BABAM2: variants seen among roughly 807,000 people sequenced by gnomAD.
BABAM2 encodes the protein BRISC and BRCA1 A complex member 2.
A neutral mutation model predicts 54.7 loss-of-function variants in BABAM2; 31 were observed. The observed-to-expected ratio is 0.57, with a 90% CI of 0.43 to 0.77. The LOEUF is 0.77. BABAM2 is among the 30% of genes least tolerant of loss of function. The pLI is 0.00. For synonymous variants in BABAM2, 167 were observed against 162.9 expected (o/e 1.03, Z -0.19); for missense variants, 364 against 455.8 (o/e 0.80, Z 1.83).
At chr2:28,022,474 A>C (rs1367310267) in intron 4 of BABAM2, among the ~76,000 whole-genome samples, 1 of 152,190 alleles carries the variant, frequency 6.6e-6, no homozygotes, top group Non-Finnish European at 1.5e-5. Context: ...TGTTTTTGTG[A>C]GAATGAATGA....
intron 2 of BABAM2, among the ~76,000 whole-genome samples, chr2:27,924,117 G>A (rs1241220284): frequency 1.3e-5 from 2 of 152,072 alleles, no homozygotes; most frequent in Non-Finnish European, 2.9e-5. Context: ...TCCATAAGTG[G>A]AATCATACTA....
At chr2:28,094,833 T>C (rs1232725560) in intron 6 of BABAM2, among the ~76,000 whole-genome samples, 1 of 151,984 alleles carries the variant, frequency 6.6e-6, no homozygotes, top group African/African-American at 2.4e-5. Context: ...CTATATACAC[T>C]ACTCTGCATC....
intron 2 of BABAM2, among the ~76,000 whole-genome samples, chr2:27,919,024 C>T (rs1667178050): frequency 6.6e-6 from 1 of 152,134 alleles, no homozygotes; most frequent in African/African-American, 2.4e-5. Flanking sequence ...AACATGATAT[C>T]TCTGTTCATT....
At chr2:28,043,129 A>ATG (rs1677255484) in intron 5 of BABAM2, among the ~76,000 whole-genome samples, 1 of 150,298 alleles carries the variant, frequency 6.7e-6, no homozygotes, top group African/African-American at 2.4e-5. Context: ...TGTTGGGAGC[A>ATG]TGTTTTTTTT....
chr2:28,240,727 G>A (rs1682333081), intron 8 of BABAM2, among the ~76,000 whole-genome samples: 1 of 151,824 alleles, frequency 6.6e-6, no homozygotes, highest in Non-Finnish European at 1.5e-5. Context: ...AAAATTAGCA[G>A]GGCATAGTGG....
At chr2:27,952,930 A>G (rs1261879714) in intron 3 of BABAM2, among the ~76,000 whole-genome samples, 2 of 152,186 alleles carry the variant, frequency 1.3e-5, no homozygotes, top group African/African-American at 4.8e-5. Flanking sequence ...CACATTCCAG[A>G]GTTAGGCAAG....
intron 4 of BABAM2, among the ~76,000 whole-genome samples, chr2:28,010,731 G>A (rs116769900): frequency 6.6e-6 from 1 of 152,144 alleles, no homozygotes; most frequent in Non-Finnish European, 1.5e-5. Context: ...ACAAAGCTTG[G>A]TCCAGTGGCT....
intron 5 of BABAM2, among the ~76,000 whole-genome samples, chr2:28,032,753 ACTT>A (rs1676392376): frequency 6.6e-6 from 1 of 152,122 alleles, no homozygotes; most frequent in South Asian, 2.1e-4. Context: ...AATGAAGAAG[ACTT>A]TTCTGCCTGC....
chr2:28,337,024 T>C (rs1691527319), intron 11 of BABAM2, among the ~76,000 whole-genome samples: 1 of 152,184 alleles, frequency 6.6e-6, no homozygotes. Context: ...TGAAATGGAC[T>C]GTGGGAGGTT....
intron 11 of BABAM2, among the ~76,000 whole-genome samples, chr2:28,315,813 A>G (rs949788021): frequency 6.6e-6 from 1 of 152,050 alleles, no homozygotes; most frequent in Non-Finnish European, 1.5e-5. Flanking sequence ...TCAGTTTACA[A>G]ATTACATATT....
At position 28,126,800 on chromosome 2, in the gene BABAM2, C is replaced by T. The variant is rs553613677; in HGVS notation, c.571-2471C>T. Among the ~76,000 whole-genome samples, 711 of 150,538 alleles carry T rather than the reference C, an allele frequency of 4.7e-3. 9 individuals carry two copies. The highest frequency in any genetic ancestry group is 0.017 in the African/African-American group (673 of 40,788). ...TCCTATTTCTCCACATCCTCTCCAG[C>T]GCCTGTTGTTTCCTGGCTTTTTAAT... On this transcript the variant is annotated intron_variant, in intron 6 of 11. Coordinates refer to ENST00000379624, the MANE Select transcript of BABAM2 (RefSeq NM_199191.3).
intron 6 of BABAM2, among the ~76,000 whole-genome samples, 158 bp downstream of exon 6, chr2:28,045,957 C>G (rs1185091703): frequency 6.6e-6 from 1 of 152,042 alleles, no homozygotes; most frequent in Non-Finnish European, 1.5e-5. Flanking sequence ...GTTTTGCTGC[C>G]TAAAAGCTAA....
At chr2:27,907,413 G>C (rs980477257) in intron 2 of BABAM2, among the ~76,000 whole-genome samples, 1 of 151,606 alleles carries the variant, frequency 6.6e-6, no homozygotes, top group African/African-American at 2.4e-5. Flanking sequence ...TTTTTCATCT[G>C]TGGACTCCTG....
chr2:27,923,691 A>T (rs1034362613), intron 2 of BABAM2, among the ~76,000 whole-genome samples: 1 of 151,364 alleles, frequency 6.6e-6, no homozygotes, highest in Non-Finnish European at 1.5e-5. Context: ...CAGAAAGCAG[A>T]TGGGTGCAGT....
intron 7 of BABAM2, among the ~76,000 whole-genome samples, chr2:28,236,173 A>C (rs1482402535): frequency 3.3e-5 from 5 of 152,140 alleles, no homozygotes; most frequent in African/African-American, 1.2e-4. Context: ...TTATAGAAGT[A>C]TATGCATTAA....
intron 7 of BABAM2, among the ~76,000 whole-genome samples, chr2:28,168,253 T>C (rs1312145596): frequency 2.0e-5 from 3 of 152,242 alleles, no homozygotes; most frequent in Admixed American, 6.5e-5. Context: ...GCATAAAATA[T>C]ATTCTTTCTA....
At chr2:28,193,684 T>C (rs567293516) in intron 7 of BABAM2, among the ~76,000 whole-genome samples, 2 of 152,340 alleles carry the variant, frequency 1.3e-5, no homozygotes, top group South Asian at 4.1e-4. Context: ...GAAAAGAAGT[T>C]ACGTCACGAT....
chr2:28,147,956 C>G (rs567552310), intron 7 of BABAM2, among the ~76,000 whole-genome samples: 1 of 152,206 alleles, frequency 6.6e-6, no homozygotes, highest in African/African-American at 2.4e-5. Flanking sequence ...TCATACACCC[C>G]CTAATGGGAT....
intron 10 of BABAM2, among the ~76,000 whole-genome samples, chr2:28,259,106 T>TTTTTTTTG (rs1553352395): frequency 9.1e-6 from 1 of 109,634 alleles, no homozygotes; most frequent in Admixed American, 9.7e-5. Flanking sequence ...TTTTTTTTTT[T>TTTTTTTTG]CAGACTGAGT....
Sources: allele counts gnomAD v4.1 joint callset (sites outside exome capture counted in the v4.1 genomes callset), GRCh38; gene constraint gnomAD v4.1.1; transcripts MANE v1.5; gene names NCBI Gene and HGNC (gene_info 2026-07-23, HGNC 2026-07-21).